Variants in CFAP57 observed in about 807,000 individuals in gnomAD.
CFAP57 encodes cilia and flagella associated protein 57.
CFAP57 carries 116 observed loss-of-function variants against 146.8 expected under a neutral mutation model. That is an observed-to-expected ratio of 0.79 (90% CI 0.68 to 0.92). The LOEUF is 0.92. Among genes scored for constraint, CFAP57 ranks in the 40% least tolerant of loss-of-function variants. The pLI, the probability that CFAP57 is intolerant of heterozygous loss-of-function variation, is 0.00. For missense variants in CFAP57, 1,377 were observed against 1,527.2 expected (o/e 0.90, Z 1.64); for synonymous variants, 518 against 552.8 (o/e 0.94, Z 0.88).
intron 22 of CFAP57, among the ~76,000 whole-genome samples, chr1:43,245,630 T>C (rs936607330): frequency 2.6e-5 from 4 of 151,998 alleles, no homozygotes; most frequent in African/African-American, 7.2e-5. Context: ...GGCTCAGGAA[T>C]GATCAGAAGC....
chr1:43,243,958 C>T (rs765966221), intron 22 of CFAP57, among the ~76,000 whole-genome samples: 1 of 152,140 alleles, frequency 6.6e-6, no homozygotes, highest in Non-Finnish European at 1.5e-5. Context: ...GAAATATGAT[C>T]GTTTATATCA....
intron 17 of CFAP57, among the ~76,000 whole-genome samples, 179 bp downstream of exon 17, chr1:43,224,383 A>C (rs1645163663): frequency 1.3e-5 from 2 of 152,222 alleles, no homozygotes; most frequent in South Asian, 2.1e-4. Flanking sequence ...CGCTGTCAAC[A>C]CATCACTTTC....
intron 13 of CFAP57, among the ~76,000 whole-genome samples, chr1:43,220,549 A>G (rs1019620199): frequency 3.9e-5 from 6 of 152,148 alleles, no homozygotes; most frequent in Non-Finnish European, 1.5e-5. Flanking sequence ...ACATAGTGAG[A>G]CCCTGTCTCT....
In CFAP57 at chr1:43,199,583, A is replaced by C; in HGVS notation, c.1542+80A>C. 4.8e-6 allele frequency: 6 copies of C among 1,260,256 alleles called. No homozygotes were observed. The South Asian group carries it at 7.2e-5, about 15-fold the overall frequency. The allele number at this position is 1,260,256 out of a possible 1,614,324, so 78.1% of individuals were successfully genotyped here. On this transcript the variant is annotated intron_variant, in intron 9 of 22. Coordinates refer to ENST00000372492, the MANE Select transcript of CFAP57 (RefSeq NM_001378189.1). The stretch of plus-strand genomic sequence containing the variant: ...CCAGCCAGTGGGATACAGGTGAACA[A>C]AAGAGAGATGGTTCCTTTCCTCATG...
chr1:43,221,431 C>T lies in CFAP57; in HGVS notation c.2307C>T (p.Leu769=). 1 of 1,539,844 alleles carries T rather than the reference C, an allele frequency of 6.5e-7. No individual in the cohort carries two copies. The highest frequency in any genetic ancestry group is 8.8e-7 in the Non-Finnish European group (1 of 1,141,504). Residue 769 remains leucine, a synonymous_variant, in exon 14 of 23, where the codon CTC becomes CTT. Coordinates refer to ENST00000372492, the MANE Select transcript of CFAP57 (RefSeq NM_001378189.1). ...DVYHHEHIED[L]LDKQSRELQD... is the part of the protein sequence containing the mutation. ...ATCACCATGAGCACATAGAAGACCTCCTAGACAAGCAAAGCCGGGAACTGC... is the reference window on the plus strand; with the variant it reads ...ATCACCATGAGCACATAGAAGACCTTCTAGACAAGCAAAGCCGGGAACTGC...
intron 4 of CFAP57, 109 bp from the exon 5 acceptor site, chr1:43,185,040 T>C: frequency 8.5e-7 from 1 of 1,171,764 alleles, no homozygotes; most frequent in Non-Finnish European, 1.3e-6. Context: ...AAGGGGATCA[T>C]TGGGTGGTTT....
intron 10 of CFAP57, among the ~76,000 whole-genome samples, chr1:43,207,680 A>G (rs1238142851): frequency 6.6e-6 from 1 of 152,260 alleles, no homozygotes; most frequent in Non-Finnish European, 1.5e-5. Flanking sequence ...GTACAGTTAC[A>G]TTGGGCTCCA....
intron 2 of CFAP57, among the ~76,000 whole-genome samples, chr1:43,180,608 G>A (rs922040315): frequency 1.1e-4 from 16 of 152,148 alleles, no homozygotes; most frequent in African/African-American, 3.9e-4. Context: ...CCCAGCCCAT[G>A]GGAATTCTCT....
At position 43,215,290 on chromosome 1, in the gene CFAP57, T is replaced by C. The variant is rs1179946756; in HGVS notation, c.1965T>C (p.Thr655=). The C allele has an allele frequency of 1.3e-6, 2 of 1,551,214 alleles. No individual in the cohort carries two copies. Among genetic ancestry groups the C allele is most frequent in the Admixed American group, 2.0e-5 (1 of 50,998 alleles). ...LLTFDDQFLL[T]AAEDGCLFTW... is the part of the protein sequence containing the mutation. Reference sequence around the variant, plus strand: ...CCTTTGATGATCAGTTCCTGCTGACTGCTGCTGAGGATGGCTGCCTGTTCA... The same window carrying C: ...CCTTTGATGATCAGTTCCTGCTGACCGCTGCTGAGGATGGCTGCCTGTTCA... The change falls in exon 12 of 23, where the codon ACT becomes ACC. Residue 655 remains threonine, a synonymous_variant. Transcript: ENST00000372492.
intron 6 of CFAP57, among the ~76,000 whole-genome samples, chr1:43,193,969 A>C (rs1643703822): frequency 6.6e-6 from 1 of 152,110 alleles, no homozygotes. Flanking sequence ...TATTATATGC[A>C]TATTGTTTCC....
In CFAP57 at chr1:43,197,470, G is replaced by A; in HGVS notation, c.1123-83G>A. The A allele has an allele frequency of 2.5e-6, 4 of 1,574,400 alleles. No individual in the cohort carries two copies. In the East Asian group the frequency reaches 8.9e-5, roughly 35 times the overall value. On this transcript the variant is annotated intron_variant, in intron 6 of 22. Transcript: ENST00000372492. ...TTTCTGTGCACCCAGGCTAATTAAT[G>A]TTCATGGGAACTAATTAGAGCTGAC... is the stretch of plus-strand genomic sequence containing the variant.
intron 2 of CFAP57, among the ~76,000 whole-genome samples, chr1:43,179,215 A>C (rs1377580930): frequency 6.6e-6 from 1 of 152,178 alleles, no homozygotes; most frequent in Admixed American, 6.5e-5. Context: ...GCACACCAAC[A>C]TGGCACATGT....
chr1:43,248,816 T>C (rs947076363), intron 22 of CFAP57, among the ~76,000 whole-genome samples: 2 of 151,166 alleles, frequency 1.3e-5, no homozygotes, highest in African/African-American at 4.8e-5. Context: ...CTATCAGATA[T>C]GAGCATTTTA....
intron 5 of CFAP57, among the ~76,000 whole-genome samples, chr1:43,185,978 A>G (rs527278529): frequency 6.6e-6 from 1 of 152,080 alleles, no homozygotes; most frequent in East Asian, 1.9e-4. Context: ...ACGTGTCTGT[A>G]ATCCCAGCTA....
chr1:43,185,308 T>A lies in CFAP57; in HGVS notation c.921T>A (p.Phe307Leu). Residue 307 changes from phenylalanine to leucine, a missense_variant, in exon 5 of 23, where the codon TTT (phenylalanine) becomes TTA (leucine). Physicochemically the swap from Phe to Leu is conservative, Grantham distance 22 (BLOSUM62 0). Transcript: ENST00000372492. ...CSAGPGRVLL[F>L]EKMEEKDFYR... ...CTGGGCCAGGGAGAGTTCTGCTGTT[T>A]GAGAAGATGGAAGAAAAGGATTTTT... The A allele has an allele frequency of 6.2e-7, 1 of 1,613,934 alleles. No individual in the cohort carries two copies. Among genetic ancestry groups the A allele is most frequent in the Non-Finnish European group, 8.5e-7 (1 of 1,179,986 alleles).
At chr1:43,199,058 T>A (rs946218411) in intron 8 of CFAP57, among the ~76,000 whole-genome samples, 4 of 152,196 alleles carry the variant, frequency 2.6e-5, no homozygotes, top group Admixed American at 1.3e-4. Flanking sequence ...CAGCTTTCCC[T>A]GAGGTGTCTT....
chr1:43,237,414 C>G (rs1402303703), intron 21 of CFAP57, among the ~76,000 whole-genome samples: 2 of 152,156 alleles, frequency 1.3e-5, no homozygotes, highest in Non-Finnish European at 2.9e-5. Context: ...AGCTCTGTGT[C>G]AGTCACTGAG....
chr1:43,181,821 A>C lies in CFAP57; in HGVS notation c.445A>C (p.Ile149Leu). Residue 149 changes from isoleucine to leucine, a missense_variant, in exon 3 of 23, where the codon ATC becomes CTC. Ile to Leu is a conservative substitution (Grantham distance 5). Transcript: ENST00000372492. ...ACAGAAAGTAATGGCCATTGTTAGA[A>C]TCGACACTCAGAACAACCCTGTCTA... ...EKQKVMAIVR[I>L]DTQNNPVYQV... is the part of the protein sequence containing the mutation. The C allele has an allele frequency of 6.2e-7, 1 of 1,614,194 alleles. No individual in the cohort carries two copies. The highest frequency in any genetic ancestry group is 1.3e-5 in the African/African-American group (1 of 75,046).
rs1013599558 is a variant in CFAP57 at position 43,224,094 on chromosome 1, A to G, written c.2755A>G (p.Thr919Ala). The change falls in exon 17 of 23, where the codon ACC becomes GCC. Residue 919 changes from threonine to alanine, a missense_variant. Thr to Ala is a moderately conservative substitution (Grantham distance 58, BLOSUM62 0). Transcript: ENST00000372492. Reference protein sequence around the residue: ...EIEERTNDIETLKGEQMKLQG... With the variant: ...EIEERTNDIEALKGEQMKLQG... ...TGAAGAACGAACCAATGACATCGAGACCCTAAAAGGAGAGCAGATGAAGCT... is the reference window on the plus strand; with the variant it reads ...TGAAGAACGAACCAATGACATCGAGGCCCTAAAAGGAGAGCAGATGAAGCT... 3.2e-6 allele frequency: 5 copies of G among 1,550,548 alleles called. No homozygotes were observed. The highest frequency in any genetic ancestry group is 4.4e-6 in the Non-Finnish European group (5 of 1,146,986).
Sources: gnomAD v4.1 joint callset for allele counts (sites outside exome capture counted in the v4.1 genomes callset) on GRCh38, gnomAD v4.1.1 for gene constraint, MANE v1.5 for transcripts, NCBI Gene and HGNC (gene_info 2026-07-23, HGNC 2026-07-21) for gene names.